The following ENOX1 variants were observed in gnomAD, a reference collection of about 807,000 sequenced individuals.
ENOX1 encodes the protein candidate growth-related and time keeping constitutive hydroquinone (NADH) oxidase.
Under a neutral mutation model 82.5 loss-of-function variants are expected in ENOX1, and 42 were observed. That is an observed-to-expected ratio of 0.51 (90% confidence interval 0.40 to 0.66). ENOX1 has a LOEUF of 0.66. Ranked by LOEUF, ENOX1 falls within the 30% of genes least tolerant of loss-of-function variation. ENOX1 has a pLI of 0.00. For missense variants in ENOX1, 608 were observed against 811.6 expected, an observed-to-expected ratio of 0.75 and a Z score of 3.05; for synonymous variants, 271 against 282.2, an observed-to-expected ratio of 0.96 and a Z score of 0.40.
At chr13:43,748,813 A>C (rs889500709) in intron 1 of ENOX1, among the ~76,000 whole-genome samples, 3 of 152,212 alleles carry the variant, frequency 2.0e-5, no homozygotes, top group African/African-American at 7.2e-5. Flanking sequence ...AAAACTTTAT[A>C]TTGAGTCTTT....
At chr13:43,353,065 A>G (rs1249931368) in intron 8 of ENOX1, among the ~76,000 whole-genome samples, 1 of 152,146 alleles carries the variant, frequency 6.6e-6, no homozygotes, top group African/African-American at 2.4e-5. Context: ...ATATGGTAAA[A>G]TGCTGATTAA....
At chr13:43,248,096 G>A (rs532744265) in intron 14 of ENOX1, among the ~76,000 whole-genome samples, 17 of 149,790 alleles carry the variant, frequency 1.1e-4, no homozygotes, top group East Asian at 7.9e-4. Context: ...CGTGTTAGCC[G>A]GGATGGTCTC....
chr13:43,434,338 C>T (rs1321548277), intron 3 of ENOX1, among the ~76,000 whole-genome samples: 2 of 152,178 alleles, frequency 1.3e-5, no homozygotes, highest in Non-Finnish European at 2.9e-5. Flanking sequence ...AGGAGCTAGT[C>T]GCTCTCCCTC....
chr13:43,636,207 C>T (rs185554107), intron 2 of ENOX1, among the ~76,000 whole-genome samples: 11 of 152,254 alleles, frequency 7.2e-5, no homozygotes, highest in Admixed American at 4.6e-4. Context: ...CTCATGGTCA[C>T]GCAAATAATA....
chr13:43,644,983 TG>T (rs1566697147), intron 2 of ENOX1, among the ~76,000 whole-genome samples: 1 of 152,214 alleles, frequency 6.6e-6, no homozygotes, highest in African/African-American at 2.4e-5. Flanking sequence ...GGGTAGGCAG[TG>T]ATAGGTCTGT....
At chr13:43,666,603 A>C (rs1248458228) in intron 2 of ENOX1, among the ~76,000 whole-genome samples, 3 of 152,176 alleles carry the variant, frequency 2.0e-5, no homozygotes, top group Non-Finnish European at 4.4e-5. Context: ...GAAGGAAGCA[A>C]CCCTGCTGAC....
intron 1 of ENOX1, among the ~76,000 whole-genome samples, chr13:43,671,613 G>A (rs1470678403): frequency 6.6e-6 from 1 of 152,154 alleles, no homozygotes; most frequent in South Asian, 2.1e-4. Flanking sequence ...ACCCTGGGAA[G>A]TGACGACCTG....
intron 15 of ENOX1, 68 bp from the exon 16 acceptor site, chr13:43,224,206 G>C (rs2041926365): frequency 7.9e-7 from 1 of 1,272,456 alleles, no homozygotes; most frequent in Non-Finnish European, 1.1e-6. Flanking sequence ...AAATAATGCT[G>C]TCTAATCCCA....
intron 2 of ENOX1, among the ~76,000 whole-genome samples, chr13:43,599,671 G>A (rs2081618002): frequency 6.6e-6 from 1 of 151,832 alleles, no homozygotes; most frequent in Non-Finnish European, 1.5e-5. Flanking sequence ...AGATGCATAT[G>A]ACCTAGTAAG....
rs144118435 is a variant in ENOX1, at chr13:43,276,062, A to G, written c.1447-6485T>C. Among the ~76,000 whole-genome samples, 227 of 152,128 alleles carry G rather than the reference A, an allele frequency of 1.5e-3. 1 individual carries two copies. The highest frequency in any genetic ancestry group is 2.3e-3 in the Non-Finnish European group (157 of 67,978). Reference sequence around the variant, plus strand: ...TCAATTTAAATTCAATGTGTTTTTTACTCTTTTGGTTCAGTTTTAATAACT... The same window carrying G: ...TCAATTTAAATTCAATGTGTTTTTTGCTCTTTTGGTTCAGTTTTAATAACT... On this transcript the variant is annotated intron_variant, in intron 12 of 16. Transcript: ENST00000690772.
chr13:43,249,893 G>A (rs561727495), intron 14 of ENOX1, among the ~76,000 whole-genome samples: 24 of 152,192 alleles, frequency 1.6e-4, no homozygotes, highest in African/African-American at 5.5e-4. Flanking sequence ...CCTTGCATAT[G>A]CCACACATGA....
intron 2 of ENOX1, among the ~76,000 whole-genome samples, chr13:43,507,831 C>T (rs2077226351): frequency 6.6e-6 from 1 of 151,652 alleles, no homozygotes; most frequent in Non-Finnish European, 1.5e-5. Flanking sequence ...GCAGATTACA[C>T]AAAGAAAAGT....
At chr13:43,271,967 CA>C (rs1288582791) in intron 12 of ENOX1, among the ~76,000 whole-genome samples, 1 of 151,786 alleles carries the variant, frequency 6.6e-6, no homozygotes, top group Non-Finnish European at 1.5e-5. Context: ...TTTTAAGATC[CA>C]TCCATGTTAC....
Position 43,750,625 on chromosome 13 carries a change from T to C in ENOX1, c.-285+36027A>G, listed in dbSNP as rs570477846. On this transcript the variant is annotated intron_variant, in intron 1 of 16. Transcript: ENST00000690772. The stretch of plus-strand genomic sequence containing the variant: ...AAGATCTCTGATCTGGAACCTTTTG[T>C]CAAACGAGTCTTGGAACAAGACTGA... 9.9e-5 allele frequency among the ~76,000 whole-genome samples: 15 copies of C among 152,272 alleles called. No individual in the cohort carries two copies. The East Asian group carries it at 2.9e-3, about 29-fold the overall frequency.
intron 2 of ENOX1, among the ~76,000 whole-genome samples, chr13:43,632,382 T>C (rs1273553318): frequency 6.6e-6 from 1 of 151,792 alleles, no homozygotes; most frequent in African/African-American, 2.4e-5. Flanking sequence ...TTTTTTAATG[T>C]ATTTCTTTTT....
chr13:43,761,280 A>G (rs1378430679), intron 1 of ENOX1, among the ~76,000 whole-genome samples: 1 of 152,216 alleles, frequency 6.6e-6, no homozygotes, highest in Non-Finnish European at 1.5e-5. Flanking sequence ...GACATTTTCA[A>G]TCTGAAGGAA....
chr13:43,393,037 C>T (rs1330296879), intron 5 of ENOX1, among the ~76,000 whole-genome samples: 1 of 152,040 alleles, frequency 6.6e-6, no homozygotes, highest in Non-Finnish European at 1.5e-5. Context: ...AGGCATAGCT[C>T]TGTGGGCATT....
chr13:43,242,129 T>C (rs2042865371), intron 14 of ENOX1, among the ~76,000 whole-genome samples: 1 of 152,214 alleles, frequency 6.6e-6, no homozygotes, highest in Non-Finnish European at 1.5e-5. Context: ...CTCCAACAAA[T>C]CTACTCTGAG....
intron 3 of ENOX1, among the ~76,000 whole-genome samples, chr13:43,447,942 T>C (rs1253893344): frequency 6.6e-6 from 1 of 152,204 alleles, no homozygotes; most frequent in Non-Finnish European, 1.5e-5. Flanking sequence ...GAAAAGCATA[T>C]ACAGATATAG....
Sources: allele counts gnomAD v4.1 joint callset (sites outside exome capture counted in the v4.1 genomes callset), GRCh38; gene constraint gnomAD v4.1.1; transcripts MANE v1.5; gene names NCBI Gene and HGNC (gene_info 2026-07-23, HGNC 2026-07-21).